EPHA6: variants seen among roughly 807,000 people sequenced by gnomAD.
The protein encoded by EPHA6 is ephrin type-A receptor 6.
A neutral mutation model predicts 112.0 loss-of-function variants in EPHA6; 50 were observed. The ratio of observed to expected loss-of-function variants is 0.45; its 90% CI spans 0.36 to 0.56. EPHA6 has a LOEUF of 0.56. Ranked by LOEUF, EPHA6 falls within the 20% of genes least tolerant of loss-of-function variation. The probability of loss-of-function intolerance (pLI) is 0.00; values close to 1 mark genes in which losing one functional copy is unlikely to be tolerated. For synonymous variants in EPHA6, 529 were observed against 490.7 expected (o/e 1.08, Z -1.03); for missense variants, 1,280 against 1,417.4 (o/e 0.90, Z 1.56).
At chr3:97,354,887 G>T (rs2083990074) in intron 5 of EPHA6, among the ~76,000 whole-genome samples, 1 of 152,118 alleles carries the variant, frequency 6.6e-6, no homozygotes, top group Admixed American at 6.5e-5. Context: ...ATACAAAGGT[G>T]CTCCAATATG....
intron 5 of EPHA6, among the ~76,000 whole-genome samples, chr3:97,404,556 A>G (rs2087211895): frequency 6.6e-6 from 1 of 152,174 alleles, no homozygotes; most frequent in South Asian, 2.1e-4. Context: ...GAATTATAAT[A>G]TATGGAAAAG....
chr3:97,115,255 A>T (rs1392187483), intron 3 of EPHA6, among the ~76,000 whole-genome samples: 6 of 151,926 alleles, frequency 3.9e-5, no homozygotes, highest in Non-Finnish European at 8.8e-5. Flanking sequence ...TACGTAGAAC[A>T]GATGATCAGT....
At chr3:97,695,579 T>C (rs1012618503) in intron 14 of EPHA6, among the ~76,000 whole-genome samples, 1 of 152,202 alleles carries the variant, frequency 6.6e-6, no homozygotes, top group Non-Finnish European at 1.5e-5. Context: ...TCTCGCTCTG[T>C]CACCAGGCCC....
chr3:97,736,224 C>T, intron 16 of EPHA6, 106 bp downstream of exon 16: 1 of 790,686 alleles, frequency 1.3e-6, no homozygotes, highest in Non-Finnish European at 1.9e-6. Flanking sequence ...TGATAACCAT[C>T]TAGTTGTTGA....
chr3:97,311,905 A>G (rs1159057749), intron 5 of EPHA6, among the ~76,000 whole-genome samples: 1 of 151,708 alleles, frequency 6.6e-6, no homozygotes, highest in African/African-American at 2.4e-5. Context: ...CACCGGATTT[A>G]TAACTCAATT....
chr3:97,016,732 C>T (rs1334957091), intron 3 of EPHA6, among the ~76,000 whole-genome samples: 2 of 152,182 alleles, frequency 1.3e-5, no homozygotes, highest in Admixed American at 6.5e-5. Flanking sequence ...TCCCTTAGTA[C>T]AGCCAATAAC....
At chr3:96,931,018 A>AAAAGAAAGAAAAAAAAAAAAAAG (rs1553733278) in intron 2 of EPHA6, among the ~76,000 whole-genome samples, 2 of 84,562 alleles carry the variant, frequency 2.4e-5, no homozygotes, top group African/African-American at 8.5e-5. Context: ...AAAAAAAAAA[A>AAAAGAAAGAAAAAAAAAAAAAAG]AAAGAAAAGC....
intron 2 of EPHA6, among the ~76,000 whole-genome samples, chr3:96,942,692 G>A (rs925751924): frequency 7.2e-5 from 11 of 152,152 alleles, no homozygotes; most frequent in Admixed American, 1.3e-4. Flanking sequence ...AGAAATCACC[G>A]GTCTTCTGCT....
chr3:97,112,252 T>C (rs1420822877), intron 3 of EPHA6, among the ~76,000 whole-genome samples: 1 of 152,180 alleles, frequency 6.6e-6, no homozygotes, highest in East Asian at 1.9e-4. Flanking sequence ...GCCTTTATTT[T>C]GAGACGTTCA....
intron 11 of EPHA6, among the ~76,000 whole-genome samples, chr3:97,588,743 A>G (rs1421801629): frequency 6.6e-6 from 1 of 152,192 alleles, no homozygotes; most frequent in Non-Finnish European, 1.5e-5. Context: ...GTCAGTTATA[A>G]TTTTCAATTT....
At chr3:97,435,119 T>C (rs1172404968) in intron 6 of EPHA6, among the ~76,000 whole-genome samples, 1 of 152,126 alleles carries the variant, frequency 6.6e-6, no homozygotes, top group Non-Finnish European at 1.5e-5. Flanking sequence ...ATCAGTCATA[T>C]ACTAGATCAG....
intron 14 of EPHA6, among the ~76,000 whole-genome samples, chr3:97,716,544 C>T (rs1202584935): frequency 5.2e-5 from 6 of 116,190 alleles, no homozygotes. Context: ...GTCCGCAGTC[C>T]GGCCCGGGCG....
intron 11 of EPHA6, among the ~76,000 whole-genome samples, chr3:97,570,318 G>A (rs1034785257): frequency 2.6e-5 from 4 of 152,324 alleles, no homozygotes; most frequent in Middle Eastern, 3.4e-3. Flanking sequence ...ACTCCAGGCC[G>A]GAGAAGTGGT....
At chr3:97,059,023 G>A (rs540938147) in intron 3 of EPHA6, among the ~76,000 whole-genome samples, 2 of 152,130 alleles carry the variant, frequency 1.3e-5, no homozygotes, top group Admixed American at 6.5e-5. Flanking sequence ...CCTGAACAGC[G>A]GAGTCTTTAG....
chr3:97,675,350 G>A (rs2031266247), intron 14 of EPHA6, among the ~76,000 whole-genome samples: 1 of 151,908 alleles, frequency 6.6e-6, no homozygotes, highest in Non-Finnish European at 1.5e-5. Context: ...CGGGGTGGTG[G>A]GTGCCTGTAA....
At chr3:97,585,355 A>T (rs1239181104) in intron 11 of EPHA6, among the ~76,000 whole-genome samples, 1 of 152,210 alleles carries the variant, frequency 6.6e-6, no homozygotes, top group East Asian at 1.9e-4. Context: ...AAATATTTTA[A>T]TTCTCCTTGC....
intron 3 of EPHA6, among the ~76,000 whole-genome samples, chr3:97,172,153 A>T (rs1368147630): frequency 6.6e-6 from 1 of 152,096 alleles, no homozygotes; most frequent in Non-Finnish European, 1.5e-5. Flanking sequence ...GAAAGTTTAC[A>T]GTGAGGCATT....
chr3:97,086,474 T>G (rs554535528), intron 3 of EPHA6, among the ~76,000 whole-genome samples: 1 of 152,212 alleles, frequency 6.6e-6, no homozygotes, highest in African/African-American at 2.4e-5. Context: ...ATATTTCACA[T>G]ATTAAGTTTT....
intron 3 of EPHA6, among the ~76,000 whole-genome samples, chr3:97,053,574 A>C (rs577427346): frequency 6.6e-6 from 1 of 152,142 alleles, no homozygotes; most frequent in African/African-American, 2.4e-5. Context: ...ATGTTATGCA[A>C]GAATGGGCAC....
Sources: gnomAD v4.1 joint callset for allele counts (sites outside exome capture counted in the v4.1 genomes callset) on GRCh38, gnomAD v4.1.1 for gene constraint, MANE v1.5 for transcripts, NCBI Gene and HGNC (gene_info 2026-07-23, HGNC 2026-07-21) for gene names.